The following TBC1D31 variants were observed in gnomAD, a reference collection of about 807,000 sequenced individuals.
TBC1D31 encodes the protein WD repeat domain 67.
In TBC1D31, 99 loss-of-function variants were observed where a neutral mutation model predicts 132.9. That is an observed-to-expected ratio of 0.74 (90% CI 0.63 to 0.88). The LOEUF is 0.88. Ranked by LOEUF, TBC1D31 falls within the 40% of genes least tolerant of loss-of-function variation. The pLI, the probability that TBC1D31 is intolerant of heterozygous loss-of-function variation, is 0.00. For synonymous variants in TBC1D31, 385 were observed against 419.4 expected (o/e 0.92, Z 1.00); for missense variants, 1,134 against 1,256.6 (o/e 0.90, Z 1.48).
At chr8:123,117,352 T>C (rs547212510) in intron 10 of TBC1D31, among the ~76,000 whole-genome samples, 4 of 152,122 alleles carry the variant, frequency 2.6e-5, no homozygotes, top group African/African-American at 7.2e-5. Context: ...GATATTTGCA[T>C]AGTCTTAAAA....
chr8:123,160,128 A>C, the TBC1D31 span, among the ~76,000 whole-genome samples: 1 of 152,172 alleles, frequency 6.6e-6, no homozygotes, highest in Non-Finnish European at 1.5e-5. Context: ...GACACATTAC[A>C]TTTAATGGTC....
At chr8:123,100,310 G>A (rs902272661) in intron 6 of TBC1D31, among the ~76,000 whole-genome samples, 1 of 152,068 alleles carries the variant, frequency 6.6e-6, no homozygotes, top group African/African-American at 2.4e-5. Flanking sequence ...AGTGGCTCAT[G>A]CCTGTCTGTA....
chr8:123,151,029 A>C (rs1364935814), intron 21 of TBC1D31, among the ~76,000 whole-genome samples: 1 of 152,224 alleles, frequency 6.6e-6, no homozygotes, highest in Non-Finnish European at 1.5e-5. Context: ...TCACATTTTT[A>C]TATGCATCTA....
intron 13 of TBC1D31, among the ~76,000 whole-genome samples, chr8:123,127,261 A>ATTTTTTTTTTTTTTTTTTTTTTTTTTT (rs35198781): frequency 1.4e-5 from 1 of 69,924 alleles, no homozygotes; most frequent in African/African-American, 6.1e-5. Context: ...TGCTTTTTGC[A>ATTTTTTTTTTTTTTTTTTTTTTTTTTT]TTTTTTTTTT....
At chr8:123,084,590 C>G (rs1815524382) in intron 4 of TBC1D31, among the ~76,000 whole-genome samples, 1 of 152,064 alleles carries the variant, frequency 6.6e-6, no homozygotes, top group South Asian at 2.1e-4. Context: ...TAGTTGATTG[C>G]TTTTGTTTTC....
intron 17 of TBC1D31, among the ~76,000 whole-genome samples, chr8:123,136,906 A>T (rs1235619854): frequency 6.6e-6 from 1 of 152,228 alleles, no homozygotes; most frequent in Non-Finnish European, 1.5e-5. Flanking sequence ...CCTGAACTTT[A>T]TCTGGTCAGT....
Position 123,140,908 on chromosome 8 carries a change from A to T in TBC1D31, c.2640+7A>T. ...GAGCCAGAAAACTCAGAAGGTAAAA[A>T]TATGATCCATTTAGTATACATGCAG... is the stretch of plus-strand genomic sequence containing the variant. On this transcript the variant is annotated splice_region_variant and intron_variant, in intron 18 of 21. Transcript: ENST00000287380. 6.2e-7 allele frequency: 1 copy of T among 1,612,854 alleles called. No homozygotes were observed. The highest frequency in any genetic ancestry group is 1.7e-5 in the Admixed American group (1 of 59,686).
intron 5 of TBC1D31, among the ~76,000 whole-genome samples, chr8:123,094,426 A>T (rs1816651324): frequency 6.6e-6 from 1 of 152,174 alleles, no homozygotes; most frequent in South Asian, 2.1e-4. Context: ...AAACCTAAGC[A>T]TATCATTTTA....
intron 17 of TBC1D31, among the ~76,000 whole-genome samples, chr8:123,136,289 G>A (rs544469790): frequency 2.0e-4 from 30 of 152,198 alleles, no homozygotes; most frequent in African/African-American, 7.0e-4. Flanking sequence ...AATAAGAAAT[G>A]TTCGTGACTC....
At chr8:123,146,109 A>G (rs1822181840) in intron 20 of TBC1D31, among the ~76,000 whole-genome samples, 1 of 152,038 alleles carries the variant, frequency 6.6e-6, no homozygotes. Flanking sequence ...ACCTCAGGTG[A>G]TCCACCCGCC....
chr8:123,083,248 T>A (rs2094237427), intron 3 of TBC1D31: 2 of 154,750 alleles, frequency 1.3e-5, no homozygotes, highest in Non-Finnish European at 2.9e-5. Flanking sequence ...CGCCAAGCAC[T>A]GTTGACGCAG....
At chr8:123,078,004 T>G (rs1397147825) in intron 2 of TBC1D31, among the ~76,000 whole-genome samples, 1 of 151,750 alleles carries the variant, frequency 6.6e-6, no homozygotes, top group African/African-American at 2.4e-5. Flanking sequence ...GCCGAGATCG[T>G]GCCACTGCCA....
chr8:123,077,163 C>T lies in TBC1D31; in HGVS notation c.130C>T (p.Arg44Ter), dbSNP rs146419869. 3.7e-5 allele frequency: 59 copies of T among 1,612,020 alleles called. No homozygotes were observed. The Middle Eastern group carries it at 6.6e-4, about 18-fold the overall frequency. Residue 44 changes from arginine (R) to a stop codon, truncating the protein, a stop_gained, in exon 2 of 22, where the codon CGA becomes TGA. Coordinates refer to ENST00000287380, the MANE Select transcript of TBC1D31 (RefSeq NM_145647.4). LOFTEE classifies it high-confidence loss of function. ...NTSDYHPKVLRFLNVAFDGTG... is the reference protein window; with the variant it reads ...NTSDYHPKVL ...TTCCGATTACCATCCAAAAGTTTTG[C>T]GATTTTTGAATGTGGCTTTTGATGG... is the stretch of plus-strand genomic sequence containing the variant.
At chr8:123,099,866 T>G (rs1239819187) in intron 6 of TBC1D31, among the ~76,000 whole-genome samples, 1 of 152,104 alleles carries the variant, frequency 6.6e-6, no homozygotes, top group African/African-American at 2.4e-5. Context: ...GCCTTTGTTC[T>G]CTGTCATAAT....
Position 123,100,972 on chromosome 8 carries a change from T to C in TBC1D31, c.997T>C (p.Tyr333His), listed in dbSNP as rs747223602. 4 of 1,613,768 alleles carry C rather than the reference T, an allele frequency of 2.5e-6. No individual in the cohort carries two copies. The East Asian group carries it at 8.9e-5, about 36-fold the overall frequency. The change falls in exon 7 of 22, where the codon TAT (tyrosine) becomes CAT (histidine). Residue 333 changes from tyrosine to histidine, a missense_variant. By Grantham distance (83) the Tyr-to-His change is moderately conservative (BLOSUM62 2). Transcript: ENST00000287380. ...SIMENGSLNI[Y>H]SVQALTQEIN... ...TATGGAAAATGGAAGTCTAAACATA[T>C]ATTCAGTTCAGGCTTTAACACAAGA... is the stretch of plus-strand genomic sequence containing the variant.
chr8:123,095,961 C>T (rs1406700173), intron 5 of TBC1D31, among the ~76,000 whole-genome samples: 1 of 152,192 alleles, frequency 6.6e-6, no homozygotes, highest in East Asian at 1.9e-4. Flanking sequence ...ATACCATCAA[C>T]TCAACCAAAC....
chr8:123,088,762 T>G (rs1333925150), intron 4 of TBC1D31, among the ~76,000 whole-genome samples: 2 of 152,194 alleles, frequency 1.3e-5, no homozygotes, highest in Non-Finnish European at 2.9e-5. Context: ...TGGATTTCAT[T>G]TTTGATGGCT....
the TBC1D31 span, among the ~76,000 whole-genome samples, chr8:123,163,258 A>ATACCATATAATTCACC: frequency 6.6e-6 from 1 of 151,630 alleles, no homozygotes; most frequent in African/African-American, 2.4e-5. Flanking sequence ...TATAATTCAC[A>ATACCATATAATTCACC]TACCATATAA....
At chr8:123,146,117 G>A (rs993624404) in intron 20 of TBC1D31, among the ~76,000 whole-genome samples, 15 of 152,002 alleles carry the variant, frequency 9.9e-5, no homozygotes, top group African/African-American at 3.4e-4. Context: ...TGATCCACCC[G>A]CCTCGGCCTC....
Sources: allele counts gnomAD v4.1 joint callset (sites outside exome capture counted in the v4.1 genomes callset), GRCh38; gene constraint gnomAD v4.1.1; transcripts MANE v1.5; gene names NCBI Gene and HGNC (gene_info 2026-07-23, HGNC 2026-07-21).